CLMP: variants seen among roughly 807,000 people sequenced by gnomAD.
CLMP encodes the protein CXADR like cell adhesion molecule.
Under a neutral mutation model 45.2 loss-of-function variants are expected in CLMP, and 27 were observed. The observed-to-expected ratio is 0.60, with a 90% CI of 0.44 to 0.82. The LOEUF (loss-of-function observed/expected upper bound fraction) is 0.82. Among genes scored for constraint, CLMP ranks in the 40% least tolerant of loss-of-function variants. CLMP has a pLI of 0.00. For synonymous variants in CLMP, 167 were observed against 171.4 expected (o/e 0.97, Z 0.20); for missense variants, 403 against 448.4 (o/e 0.90, Z 0.91).
chr11:123,153,892 G>A (rs1861376146), intron 1 of CLMP, among the ~76,000 whole-genome samples: 1 of 148,318 alleles, frequency 6.7e-6, no homozygotes, highest in Non-Finnish European at 1.5e-5. Flanking sequence ...CACCATGTTG[G>A]CCAGGCTGGT....
At chr11:123,108,752 T>C (rs1860595027) in intron 1 of CLMP, among the ~76,000 whole-genome samples, 1 of 152,058 alleles carries the variant, frequency 6.6e-6, no homozygotes, top group Non-Finnish European at 1.5e-5. Context: ...AAACACAAAC[T>C]GATTAAAAAT....
chr11:123,111,037 G>A (rs1860630902), intron 1 of CLMP, among the ~76,000 whole-genome samples: 1 of 152,150 alleles, frequency 6.6e-6, no homozygotes, highest in African/African-American at 2.4e-5. Flanking sequence ...TCAAGGCCCT[G>A]TCTTAGTTGA....
At chr11:123,170,207 C>G (rs865860331) in intron 1 of CLMP, among the ~76,000 whole-genome samples, 4 of 152,220 alleles carry the variant, frequency 2.6e-5, no homozygotes, top group Middle Eastern at 3.4e-3. Context: ...ATTTTCATTT[C>G]CTTCCTTATT....
At chr11:123,082,795 C>T (rs560457269) in intron 5 of CLMP, among the ~76,000 whole-genome samples, 8 of 151,614 alleles carry the variant, frequency 5.3e-5, no homozygotes, top group South Asian at 2.1e-4. Flanking sequence ...TTAGTAGAAA[C>T]GGGGTTTCAC....
intron 2 of CLMP, among the ~76,000 whole-genome samples, chr11:123,093,241 T>C (rs937121327): frequency 1.8e-4 from 28 of 152,136 alleles, no homozygotes; most frequent in African/African-American, 6.8e-4. Flanking sequence ...GGTCTCACTG[T>C]GTTGCCCAGG....
intron 1 of CLMP, among the ~76,000 whole-genome samples, chr11:123,123,272 T>TTG (rs902472463): frequency 6.7e-6 from 1 of 148,738 alleles, no homozygotes; most frequent in African/African-American, 2.5e-5. Context: ...TTTTTTTTTT[T>TTG]TTTTTAAGAC....
At chr11:123,132,829 AG>A (rs1028928823) in intron 1 of CLMP, among the ~76,000 whole-genome samples, 9 of 150,980 alleles carry the variant, frequency 6.0e-5, no homozygotes, top group African/African-American at 2.0e-4. Context: ...CTCAGGCTGG[AG>A]GGCCAGTGGT....
At chr11:123,133,832 TCCCCCAGCTTATTAC>T (rs1167833557) in intron 1 of CLMP, among the ~76,000 whole-genome samples, 1 of 152,100 alleles carries the variant, frequency 6.6e-6, no homozygotes, top group Non-Finnish European at 1.5e-5. Context: ...CCTTGCTGTC[TCCCCCAGCTTATTAC>T]CCTTAGATCA....
intron 1 of CLMP, among the ~76,000 whole-genome samples, chr11:123,121,915 T>C (rs1860823971): frequency 6.6e-6 from 1 of 152,156 alleles, no homozygotes; most frequent in Non-Finnish European, 1.5e-5. Context: ...GGCTAATTTT[T>C]GTATTTTTTG....
intron 1 of CLMP, among the ~76,000 whole-genome samples, chr11:123,192,771 C>T (rs1021389008): frequency 1.2e-4 from 17 of 143,606 alleles, no homozygotes; most frequent in Non-Finnish European, 1.5e-5. Flanking sequence ...CTCCCAGCCC[C>T]TGTTTGATAC....
At chr11:123,107,809 T>TG (rs1487657848) in intron 1 of CLMP, among the ~76,000 whole-genome samples, 4 of 152,032 alleles carry the variant, frequency 2.6e-5, no homozygotes, top group African/African-American at 7.3e-5. Context: ...TCCTATTTTT[T>TG]TTTTGTTGTA....
intron 1 of CLMP, among the ~76,000 whole-genome samples, chr11:123,172,460 G>A (rs117982387): frequency 0.014 from 2,128 of 151,786 alleles, 26 homozygotes; most frequent in Middle Eastern, 0.034. Context: ...CAGTGTTTAT[G>A]TTGCAATAAA....
At chr11:123,102,707 C>CTTTTTTTTTTTTTTTT (rs34392557) in intron 1 of CLMP, among the ~76,000 whole-genome samples, 7 of 93,290 alleles carry the variant, frequency 7.5e-5, no homozygotes, top group African/African-American at 2.4e-4. Flanking sequence ...TCCCGAGTAG[C>CTTTTTTTTTTTTTTTT]TTTTTTTTTT....
intron 1 of CLMP, among the ~76,000 whole-genome samples, chr11:123,161,675 AAAATAAATAAAT>A (rs750896212): frequency 6.6e-6 from 1 of 152,100 alleles, no homozygotes; most frequent in Non-Finnish European, 1.5e-5. Context: ...ATTCTGTCTC[AAAATAAATAAAT>A]AAATAAATAA....
At chr11:123,174,690 C>A (rs1861676210) in intron 1 of CLMP, among the ~76,000 whole-genome samples, 1 of 152,172 alleles carries the variant, frequency 6.6e-6, no homozygotes, top group Non-Finnish European at 1.5e-5. Context: ...AGGTGGCAAC[C>A]TAATGTCCTT....
intron 1 of CLMP, among the ~76,000 whole-genome samples, chr11:123,104,528 G>T (rs1860507639): frequency 6.6e-6 from 1 of 151,980 alleles, no homozygotes; most frequent in Non-Finnish European, 1.5e-5. Context: ...GGGATTACAG[G>T]CAGGCGCCAC....
chr11:123,124,966 G>A lies in CLMP; in HGVS notation c.29-27014C>T, dbSNP rs570670988. ...GGCTGGAGTGCAGTGGTGAGATCCC[G>A]GTTCACTGCAACATTTGCCTCCTAA... On this transcript the variant is annotated intron_variant, in intron 1 of 6. Transcript: ENST00000448775. 7.2e-5 allele frequency among the ~76,000 whole-genome samples: 11 copies of A among 152,102 alleles called. No individual in the cohort carries two copies. In the South Asian group the frequency reaches 1.2e-3, roughly 17 times the overall value.
At position 123,169,170 on chromosome 11, in the gene CLMP, G is replaced by C. The variant is rs373364447; in HGVS notation, c.28+25743C>G. ...CCAAATGTCCAGGAGGAGGTGCAAA[G>C]AGGAAGAGATTTTGCTTTGGCTCTG... On this transcript the variant is annotated intron_variant, in intron 1 of 6. Coordinates refer to ENST00000448775, the MANE Select transcript of CLMP (RefSeq NM_024769.5). 3.5e-3 allele frequency among the ~76,000 whole-genome samples: 528 copies of C among 152,286 alleles called. 2 individuals carry two copies. Among genetic ancestry groups the C allele is most frequent in the African/African-American group, 0.012 (504 of 41,554 alleles).
At chr11:123,192,464 G>A (rs1861920536) in intron 1 of CLMP, among the ~76,000 whole-genome samples, 1 of 152,184 alleles carries the variant, frequency 6.6e-6, no homozygotes, top group Non-Finnish European at 1.5e-5. Flanking sequence ...GGTTACTCGG[G>A]TAGCAGTGTG....
Sources: gnomAD v4.1 joint callset for allele counts (sites outside exome capture counted in the v4.1 genomes callset) on GRCh38, gnomAD v4.1.1 for gene constraint, MANE v1.5 for transcripts, NCBI Gene and HGNC (gene_info 2026-07-23, HGNC 2026-07-21) for gene names.